Variants in FGF13 observed in about 807,000 individuals in gnomAD.
The protein encoded by FGF13 is fibroblast growth factor homologous factor 2.
Under a neutral mutation model 19.5 loss-of-function variants are expected in FGF13, and 2 were observed. That is an observed-to-expected ratio of 0.10 (90% CI 0.04 to 0.32). The LOEUF is 0.32. Among genes scored for constraint, FGF13 ranks in the 10% least tolerant of loss-of-function variants. FGF13 has a pLI of 1.00. For missense variants in FGF13, 113 were observed against 192.7 expected (o/e 0.59, Z 2.45); for synonymous variants, 72 against 76.9 (o/e 0.94, Z 0.33).
chrX:138,988,274 T>G (rs2092001525), intron 1 of FGF13, among the ~76,000 whole-genome samples: 1 of 112,384 alleles, frequency 8.9e-6, no homozygotes, highest in Admixed American at 9.4e-5. Context: ...ATCACCTTAT[T>G]TTCTGTAGCA....
chrX:139,138,244 C>T (rs2083815138), intron 1 of FGF13, among the ~76,000 whole-genome samples: 1 of 112,123 alleles, frequency 8.9e-6, no homozygotes, highest in Admixed American at 9.4e-5. Context: ...AAGTAACTTT[C>T]TCAAGCCCAA....
intron 1 of FGF13, among the ~76,000 whole-genome samples, chrX:138,984,588 A>AGGAGG (rs2091982417): frequency 7.8e-4 from 9 of 11,509 alleles, no homozygotes; most frequent in South Asian, 4.9e-3. Flanking sequence ...GAAGAAGAAG[A>AGGAGG]AGGAGGAGGA....
chrX:139,024,021 A>C (rs938143588), intron 1 of FGF13, among the ~76,000 whole-genome samples: 1 of 111,418 alleles, frequency 9.0e-6, no homozygotes, highest in Admixed American at 9.5e-5. Flanking sequence ...AGAATTACTA[A>C]ATGTTTCTCC....
At chrX:139,011,421 T>C (rs1450011485) in intron 1 of FGF13, among the ~76,000 whole-genome samples, 1 of 99,715 alleles carries the variant, frequency 1.0e-5, no homozygotes, top group African/African-American at 3.7e-5. Flanking sequence ...CTGATGAAAA[T>C]AGATGCAAAA....
At chrX:138,941,468 A>G (rs1016109622) in intron 1 of FGF13, among the ~76,000 whole-genome samples, 1 of 111,987 alleles carries the variant, frequency 8.9e-6, no homozygotes, top group South Asian at 3.7e-4. Flanking sequence ...CACAAAAAGA[A>G]CAAAATACCC....
chrX:139,114,927 T>C (rs2083628397), intron 1 of FGF13, among the ~76,000 whole-genome samples: 2 of 111,917 alleles, frequency 1.8e-5, no homozygotes, highest in African/African-American at 6.5e-5. Context: ...AACTTTGAGA[T>C]TTTTAGAAAT....
At chrX:138,956,331 C>A (rs941970896) in intron 1 of FGF13, among the ~76,000 whole-genome samples, 1 of 111,932 alleles carries the variant, frequency 8.9e-6, no homozygotes, top group East Asian at 2.8e-4. Context: ...AAGGCCTTGA[C>A]GGAGTGACAA....
chrX:139,048,577 T>C (rs2092295050), intron 1 of FGF13, among the ~76,000 whole-genome samples: 1 of 108,786 alleles, frequency 9.2e-6, no homozygotes, highest in Non-Finnish European at 1.9e-5. Context: ...TTTTTTTTTT[T>C]TCTATTGAAT....
intron 1 of FGF13, among the ~76,000 whole-genome samples, chrX:139,126,664 T>A (rs954231878): frequency 8.9e-6 from 1 of 111,794 alleles, no homozygotes; most frequent in African/African-American, 3.3e-5. Flanking sequence ...TCATGTCCCG[T>A]CGGCAAGAAT....
intron 3 of FGF13, among the ~76,000 whole-genome samples, chrX:138,788,789 T>G (rs202205713): frequency 1.6e-3 from 14 of 8,518 alleles, no homozygotes; most frequent in African/African-American, 6.8e-3. Context: ...TCACATTTTG[T>G]TTTTTTTTGC....
intron 1 of FGF13, among the ~76,000 whole-genome samples, chrX:138,966,575 G>A (rs2091895966): frequency 8.9e-6 from 1 of 112,277 alleles, no homozygotes; most frequent in African/African-American, 3.2e-5. Context: ...ATTGTAACTG[G>A]AAGTAAGTAA....
intron 1 of FGF13, among the ~76,000 whole-genome samples, chrX:138,983,862 GT>G (rs2091974776): frequency 9.7e-6 from 1 of 102,580 alleles, no homozygotes; most frequent in Non-Finnish European, 2.0e-5. Context: ...CTGGTATAAA[GT>G]TTCAGTTATG....
chrX:138,781,352 C>T (rs1438163010), intron 3 of FGF13, among the ~76,000 whole-genome samples: 1 of 109,776 alleles, frequency 9.1e-6, no homozygotes, highest in Admixed American at 9.7e-5. Flanking sequence ...CACAAAAAAC[C>T]CTTCAAAAAA....
intron 1 of FGF13, among the ~76,000 whole-genome samples, chrX:138,968,272 T>C (rs903565700): frequency 8.9e-6 from 1 of 112,454 alleles, no homozygotes; most frequent in Non-Finnish European, 1.9e-5. Flanking sequence ...AAGGGAAATA[T>C]TCATTTCTCC....
chrX:138,936,316 C>T (rs1217437040), intron 1 of FGF13, among the ~76,000 whole-genome samples: 1 of 112,030 alleles, frequency 8.9e-6, no homozygotes, highest in Non-Finnish European at 1.9e-5. Flanking sequence ...TCAGCCCAGA[C>T]CCAAGCCAAC....
chrX:138,865,656 C>A (rs774786461), intron 1 of FGF13, among the ~76,000 whole-genome samples: 1 of 111,120 alleles, frequency 9.0e-6, no homozygotes, highest in Non-Finnish European at 1.9e-5. Flanking sequence ...TACACAGAAG[C>A]CCTGTTCCAG....
intron 1 of FGF13, among the ~76,000 whole-genome samples, chrX:138,974,638 T>C (rs889569114): frequency 6.3e-5 from 7 of 111,956 alleles, no homozygotes; most frequent in African/African-American, 2.3e-4. Context: ...TTCAACTCCA[T>C]AGGAAAAGAA....
intron 1 of FGF13, among the ~76,000 whole-genome samples, chrX:138,727,953 T>A (rs1208743777): frequency 8.9e-6 from 1 of 111,779 alleles, no homozygotes; most frequent in Non-Finnish European, 1.9e-5. Flanking sequence ...ATGGGAAAAC[T>A]TATATGTTAA....
intron 1 of FGF13, among the ~76,000 whole-genome samples, chrX:138,922,539 T>C (rs5976221): frequency 0.023 from 2,615 of 111,838 alleles, 71 homozygotes; most frequent in African/African-American, 0.079. Context: ...CTTAATTTGC[T>C]GCTCAGCTCT....
Sources: gnomAD v4.1 joint callset for allele counts (sites outside exome capture counted in the v4.1 genomes callset) on GRCh38, gnomAD v4.1.1 for gene constraint, MANE v1.5 for transcripts, NCBI Gene and HGNC (gene_info 2026-07-23, HGNC 2026-07-21) for gene names.